PTPRG: variants seen among roughly 807,000 people sequenced by gnomAD.
PTPRG encodes protein tyrosine phosphatase receptor type G.
In PTPRG, 102 loss-of-function variants were observed where a neutral mutation model predicts 165.3. The ratio of observed to expected loss-of-function variants is 0.62; its 90% CI spans 0.53 to 0.73. PTPRG has a LOEUF of 0.73. Ranked by LOEUF, PTPRG falls within the 30% of genes least tolerant of loss-of-function variation. PTPRG has a pLI of 0.00. For missense variants in PTPRG, 1,866 were observed against 1,861.4 expected, an observed-to-expected ratio of 1.00 and a Z score of -0.05; for synonymous variants, 675 against 669.5, an observed-to-expected ratio of 1.01 and a Z score of -0.13.
At chr3:61,607,190 G>T (rs1701034609) in intron 1 of PTPRG, among the ~76,000 whole-genome samples, 1 of 152,134 alleles carries the variant, frequency 6.6e-6, no homozygotes, top group African/African-American at 2.4e-5. Context: ...GTCTAGAATT[G>T]GTATTCTGTG....
chr3:61,732,447 A>G (rs2032541656), intron 1 of PTPRG, among the ~76,000 whole-genome samples: 1 of 151,876 alleles, frequency 6.6e-6, no homozygotes, highest in East Asian at 1.9e-4. Flanking sequence ...CATGGTGGCG[A>G]GCACCTGTAG....
chr3:62,275,962 G>A lies in PTPRG; in HGVS notation c.3555G>A (p.Val1185=). Residue 1185 remains valine, a synonymous_variant, in exon 24 of 30, where the codon GTG becomes GTA. Coordinates refer to ENST00000474889, the MANE Select transcript of PTPRG (RefSeq NM_002841.4). ...NKEKNRNSSV[V]PSERARVGLA... is the part of the protein sequence containing the mutation. ...AAAAGAACAGAAACTCTTCAGTTGT[G>A]CCATGTAAGACTTTAAAACAGTTTG... The A allele has an allele frequency of 1.9e-6, 3 of 1,602,778 alleles. No individual in the cohort carries two copies. Among genetic ancestry groups the A allele is most frequent in the African/African-American group, 2.7e-5 (2 of 74,690 alleles).
intron 1 of PTPRG, among the ~76,000 whole-genome samples, chr3:61,671,597 C>G (rs1271767322): frequency 1.1e-4 from 16 of 148,100 alleles, no homozygotes; most frequent in Non-Finnish European, 4.5e-5. Context: ...CCTTTCCCCC[C>G]TTTCTATTCC....
Position 62,269,049 on chromosome 3 carries a change from G to C in PTPRG, c.2889G>C (p.Gln963His). 1.3e-6 allele frequency: 2 copies of C among 1,592,194 alleles called. No individual in the cohort carries two copies. The highest frequency in any genetic ancestry group is 1.1e-5 in the South Asian group (1 of 87,972). The stretch of plus-strand genomic sequence containing the variant: ...TCTTTCTGCAGCGAAAATGTGATCA[G>C]TATTGGCCAACAGAGAACAGTGAGG... ...LVEKGRRKCD[Q>H]YWPTENSEEY... is the part of the protein sequence containing the mutation. Residue 963 changes from glutamine (Q) to histidine (H), a missense_variant, in exon 20 of 30, where the codon CAG (glutamine) becomes CAC (histidine). Physicochemically the swap from Gln to His is conservative, Grantham distance 24 (BLOSUM62 0). Around this residue, in one of 3 missense-constraint regions of PTPRG, gnomAD observed 1,452 missense variants for 1,463.0 expected, o/e 0.99. Transcript: ENST00000474889.
At chr3:61,612,859 T>TTG (rs57134478) in intron 1 of PTPRG, among the ~76,000 whole-genome samples, 46 of 150,448 alleles carry the variant, frequency 3.1e-4, no homozygotes, top group African/African-American at 1.0e-3. Context: ...TGGAATTAAT[T>TTG]TGTGTGTGTG....
chr3:61,938,327 T>A (rs904202084), intron 2 of PTPRG, among the ~76,000 whole-genome samples: 1 of 152,026 alleles, frequency 6.6e-6, no homozygotes, highest in African/African-American at 2.4e-5. Context: ...GACCATAAAC[T>A]TTGAAAATGG....
intron 2 of PTPRG, among the ~76,000 whole-genome samples, chr3:61,970,541 A>G (rs2040360092): frequency 6.6e-6 from 1 of 152,234 alleles, no homozygotes; most frequent in Non-Finnish European, 1.5e-5. Flanking sequence ...TTAGTTGTTA[A>G]TATGCAACAC....
At chr3:61,842,059 G>A (rs976379700) in intron 2 of PTPRG, among the ~76,000 whole-genome samples, 1 of 152,134 alleles carries the variant, frequency 6.6e-6, no homozygotes, top group Non-Finnish European at 1.5e-5. Flanking sequence ...TTCTTTATAG[G>A]ATTGCAATTT....
intron 2 of PTPRG, among the ~76,000 whole-genome samples, chr3:61,965,932 T>G (rs962890183): frequency 6.6e-6 from 1 of 152,244 alleles, no homozygotes; most frequent in Non-Finnish European, 1.5e-5. Flanking sequence ...ATTGAACTTG[T>G]CATCTAGTCA....
chr3:62,284,210 T>C (rs1386986924), intron 28 of PTPRG, among the ~76,000 whole-genome samples: 1 of 152,156 alleles, frequency 6.6e-6, no homozygotes, highest in African/African-American at 2.4e-5. Flanking sequence ...CCTAATCTTA[T>C]ATTTTAGGGT....
At chr3:61,922,451 CATACACT>C (rs1262140614) in intron 2 of PTPRG, among the ~76,000 whole-genome samples, 1 of 152,164 alleles carries the variant, frequency 6.6e-6, no homozygotes, top group Admixed American at 6.5e-5. Context: ...CATGTAGGTG[CATACACT>C]TGTGTAGGAA....
chr3:61,569,796 G>A (rs747942005), intron 1 of PTPRG, among the ~76,000 whole-genome samples: 2 of 152,170 alleles, frequency 1.3e-5, no homozygotes, highest in Non-Finnish European at 2.9e-5. Flanking sequence ...TCAGCATGGG[G>A]ACATTCTATG....
intron 2 of PTPRG, among the ~76,000 whole-genome samples, chr3:61,893,661 T>C (rs1321636286): frequency 2.0e-5 from 3 of 152,214 alleles, no homozygotes; most frequent in Non-Finnish European, 4.4e-5. Flanking sequence ...TGAAACATTT[T>C]CTTCTAAACC....
chr3:61,926,341 C>G lies in PTPRG; in HGVS notation c.191-63284C>G, dbSNP rs989232167. Among the ~76,000 whole-genome samples, 4 of 152,110 alleles carry G rather than the reference C, an allele frequency of 2.6e-5. No individual in the cohort carries two copies. The East Asian group carries it at 7.8e-4, about 30-fold the overall frequency. On this transcript the variant is annotated intron_variant, in intron 2 of 29. Transcript: ENST00000474889. ...CATCCCCTTGGTGCTGTTCTTGTGA[C>G]AGTGAGATCCAGTTGTCTAAAAGTG...
chr3:61,660,139 C>T (rs1031728031), intron 1 of PTPRG, among the ~76,000 whole-genome samples: 5 of 152,194 alleles, frequency 3.3e-5, no homozygotes, highest in South Asian at 2.1e-4. Context: ...GCAGGAGAAT[C>T]GCTTGAACCT....
intron 28 of PTPRG, among the ~76,000 whole-genome samples, chr3:62,288,068 A>C (rs1275315572): frequency 6.6e-6 from 1 of 151,994 alleles, no homozygotes; most frequent in African/African-American, 2.4e-5. Context: ...TAAGTATTTC[A>C]CAGTGTCTAA....
At chr3:61,888,685 C>G (rs66718394) in intron 2 of PTPRG, among the ~76,000 whole-genome samples, 5,998 of 152,264 alleles carry the variant, frequency 0.039, 286 homozygotes, top group East Asian at 0.23. Flanking sequence ...TTGAGGAGTT[C>G]AGTGTTGGTA....
chr3:62,226,840 T>C (rs1343506026), intron 13 of PTPRG, among the ~76,000 whole-genome samples: 2 of 152,174 alleles, frequency 1.3e-5, no homozygotes, highest in East Asian at 1.9e-4. Context: ...CATATGCAAA[T>C]AGGAAAAGGT....
chr3:62,160,864 A>ATTTTTTTTTTTTTTTTTTTT, intron 7 of PTPRG, among the ~76,000 whole-genome samples: 1 of 103,982 alleles, frequency 9.6e-6, no homozygotes, highest in African/African-American at 3.8e-5. Flanking sequence ...TAGATGTGTG[A>ATTTTTTTTTTTTTTTTTTTT]TTTTTTTTTT....
Sources: gnomAD v4.1 joint callset for allele counts (sites outside exome capture counted in the v4.1 genomes callset) on GRCh38, gnomAD v4.1.1 for gene constraint, gnomAD v4.1.1 regional missense constraint, MANE v1.5 for transcripts, NCBI Gene and HGNC (gene_info 2026-07-23, HGNC 2026-07-21) for gene names.